ABCA10: variants seen among roughly 807,000 people sequenced by gnomAD.
ABCA10 encodes ATP binding cassette subfamily A member 10.
ABCA10 carries 169 observed loss-of-function variants against 187.5 expected under a neutral mutation model. The ratio of observed to expected loss-of-function variants is 0.90; its 90% CI spans 0.80 to 1.02. The LOEUF is 1.02. Ranked by LOEUF, ABCA10 falls within the 50% of genes least tolerant of loss-of-function variation. The pLI is 0.00. For missense variants in ABCA10, 1,727 were observed against 1,812.4 expected, an observed-to-expected ratio of 0.95 and a Z score of 0.86; for synonymous variants, 574 against 601.8, an observed-to-expected ratio of 0.95 and a Z score of 0.68.
In ABCA10 at chr17:69,228,577, T is replaced by C. The variant is rs556914304; in HGVS notation, c.-313+4A>G. On this transcript the variant is annotated splice_donor_region_variant and intron_variant, in intron 1 of 38. Transcript: ENST00000690296. ...GTGAAAATGTAAAACAAATTTTAAC[T>C]TACAGTTAAGAAAATAAGAGAGAAG... 6.6e-6 allele frequency: 1 copy of C among 152,028 alleles called. No homozygotes were observed. Among genetic ancestry groups the C allele is most frequent in the Non-Finnish European group, 1.5e-5 (1 of 67,916 alleles). 9.4% of individuals were successfully genotyped at this position (152,028 alleles called of 1,614,324 possible).
At chr17:69,156,990 G>T in intron 27 of ABCA10, 67 bp from the exon 28 acceptor site, 2 of 976,452 alleles carry the variant, frequency 2.0e-6, no homozygotes, top group Non-Finnish European at 2.9e-6. Context: ...GTGAATATTT[G>T]TCCATTTTTT....
At chr17:69,229,637 G>A (rs1315983066), upstream of ABCA10, among the ~76,000 whole-genome samples, 3 of 151,716 alleles carry the variant, frequency 2.0e-5, no homozygotes, top group Non-Finnish European at 4.4e-5. Flanking sequence ...CTCTTCAAAT[G>A]ATTACCATTT....
intron 3 of ABCA10, among the ~76,000 whole-genome samples, chr17:69,223,277 T>TATC (rs1336775772): frequency 1.1e-5 from 1 of 93,436 alleles, no homozygotes; most frequent in Non-Finnish European, 1.9e-5. Flanking sequence ...TATAAACTGA[T>TATC]ATCACATGAA....
Position 69,191,189 on chromosome 17 carries a change from C to T in ABCA10, c.1998G>A (p.Thr666=), listed in dbSNP as rs769826128. The change falls in exon 17 of 39, where the codon ACG becomes ACA. Residue 666 remains threonine, a synonymous_variant. Coordinates refer to ENST00000690296, the MANE Select transcript of ABCA10 (RefSeq NM_001377321.1). ...ACAGTAAGTTACCTGGAAATTTGTT[C>T]GTTTTTTCCAAAGGCAAACTATATA... The part of the protein sequence containing the change: ...KLVYSLPLEK[T]NKFPDLYSDL... 8.2e-6 allele frequency: 13 copies of T among 1,590,520 alleles called. No homozygotes were observed. The highest frequency in any genetic ancestry group is 5.7e-5 in the South Asian group (5 of 86,962).
rs777524266 is a variant in ABCA10, at chr17:69,193,122, C to A, written c.1768G>T (p.Asp590Tyr). ...LFSTQFMDEA[D>Y]ILADRKVFLS... ...AGCCAAGAATCACCAGCCAAGATGT[C>A]AGCCTCATCCATGAATTGGGTACTG... Residue 590 changes from aspartate (D) to tyrosine (Y), a missense_variant, in exon 15 of 39, where the codon GAC becomes TAC. Transcript: ENST00000690296. 6.2e-7 allele frequency: 1 copy of A among 1,607,096 alleles called. No homozygotes were observed. Among genetic ancestry groups the A allele is most frequent in the South Asian group, 1.1e-5 (1 of 89,722 alleles).
At chr17:69,217,452 T>C (rs2074714808) in intron 6 of ABCA10, among the ~76,000 whole-genome samples, 1 of 152,128 alleles carries the variant, frequency 6.6e-6, no homozygotes, top group South Asian at 2.1e-4. Context: ...CACAAAAACC[T>C]GTATATGAAT....
At chr17:69,201,043 C>T (rs1266404744) in intron 10 of ABCA10, among the ~76,000 whole-genome samples, 2 of 152,154 alleles carry the variant, frequency 1.3e-5, no homozygotes, top group Non-Finnish European at 2.9e-5. Flanking sequence ...GAAAAAGCTG[C>T]TTAGCTAGAT....
In ABCA10 at chr17:69,164,141, C is replaced by G; in HGVS notation, c.3296G>C (p.Arg1099Thr). 1.3e-6 allele frequency: 2 copies of G among 1,577,142 alleles called. No homozygotes were observed. The highest frequency in any genetic ancestry group is 1.2e-5 in the South Asian group (1 of 83,738). Residue 1099 changes from arginine to threonine, a missense_variant, in exon 27 of 39, where the codon AGA becomes ACA. Coordinates refer to ENST00000690296, the MANE Select transcript of ABCA10 (RefSeq NM_001377321.1). ...VMLLIQLDFM[R>T]NLDSLDNRIN... ...TCTATTGTCCAGACTGTCCAAGTTT[C>G]TCATAAAGTCGAGCTGAAAAAAAAC... is the stretch of plus-strand genomic sequence containing the variant.
At chr17:69,194,554 T>C in intron 11 of ABCA10, 59 bp from the exon 12 acceptor site, 1 of 1,258,202 alleles carries the variant, frequency 7.9e-7, no homozygotes, top group Admixed American at 2.2e-5. Context: ...GGAATGGACC[T>C]TAAAATTGGA....
intron 11 of ABCA10, among the ~76,000 whole-genome samples, chr17:69,195,554 C>CTTTTTTTTTTTTTTTTTTTTTTTTTGTTT (rs59069489): frequency 9.7e-6 from 1 of 102,952 alleles, no homozygotes; most frequent in Non-Finnish European, 1.8e-5. Context: ...TGAAGTTTTT[C>CTTTTTTTTTTTTTTTTTTTTTTTTTGTTT]TTTTTTTTTT....
chr17:69,244,828 A>G (rs1296170956), exon 1 of ABCA10: 1 of 150,956 alleles, frequency 6.6e-6, no homozygotes, highest in Non-Finnish European at 1.5e-5. Context: ...GCTCCTATAA[A>G]ACGTTGTTAG....
At chr17:69,174,578 A>C (rs775062661) in intron 24 of ABCA10, 29 bp downstream of exon 24, 1 of 1,552,540 alleles carries the variant, frequency 6.4e-7, no homozygotes, top group Non-Finnish European at 8.7e-7. Context: ...TACTATTATA[A>C]TTGGCTTGTG....
chr17:69,175,624 T>C (rs1044664151), intron 22 of ABCA10, 111 bp from the exon 23 acceptor site: 1 of 815,970 alleles, frequency 1.2e-6, no homozygotes, highest in Non-Finnish European at 1.8e-6. Context: ...TTCACCTGAT[T>C]TAAGAAGCAA....
At chr17:69,149,163 A>G (rs2074110024) in intron 37 of ABCA10, 75 bp from the exon 38 acceptor site, 1 of 1,509,896 alleles carries the variant, frequency 6.6e-7, no homozygotes, top group Admixed American at 1.7e-5. Flanking sequence ...CAATAGAGAC[A>G]GTAGCTTCAA....
At chr17:69,240,320 T>A (rs916478481) in intron 1 of ABCA10, among the ~76,000 whole-genome samples, 4 of 152,196 alleles carry the variant, frequency 2.6e-5, no homozygotes, top group African/African-American at 9.6e-5. Context: ...TAGGAGCAGA[T>A]CCTGGAATGG....
chr17:69,194,340 A>G, intron 12 of ABCA10, 45 bp downstream of exon 12: 1 of 1,496,434 alleles, frequency 6.7e-7, no homozygotes, highest in Non-Finnish European at 9.3e-7. Context: ...ACCAATTTAC[A>G]ACTTGCTTTT....
At chr17:69,154,641 T>C (rs992825570) in intron 30 of ABCA10, among the ~76,000 whole-genome samples, 115 of 152,188 alleles carry the variant, frequency 7.6e-4, no homozygotes, top group African/African-American at 2.7e-3. Flanking sequence ...CCCAGGCTGG[T>C]CTCGAAATCC....
chr17:69,191,091 A>C lies in ABCA10; in HGVS notation c.2011+85T>G, dbSNP rs548593534. The C allele has an allele frequency of 2.0e-5, 25 of 1,224,972 alleles. No individual in the cohort carries two copies. In the African/African-American group the frequency reaches 3.6e-4, roughly 17 times the overall value. 75.9% of individuals were successfully genotyped at this position (1,224,972 alleles called of 1,614,324 possible). ...ATATTTTCATTTGTATAAGCTTTAG[A>C]ACTCGATTCATAGAACAACAGAAAA... is the stretch of plus-strand genomic sequence containing the variant. On this transcript the variant is annotated intron_variant, in intron 17 of 38. Transcript: ENST00000690296.
intron 27 of ABCA10, among the ~76,000 whole-genome samples, chr17:69,159,291 TAAAC>T (rs1214319072): frequency 2.0e-5 from 3 of 151,992 alleles, no homozygotes; most frequent in African/African-American, 7.2e-5. Context: ...GAGCAATAAA[TAAAC>T]AGAGCCTCAA....
Sources: allele counts gnomAD v4.1 joint callset (sites outside exome capture counted in the v4.1 genomes callset), GRCh38; gene constraint gnomAD v4.1.1; transcripts MANE v1.5; gene names NCBI Gene and HGNC (gene_info 2026-07-23, HGNC 2026-07-21).